Variants in RARA observed in about 807,000 individuals in gnomAD.
The protein encoded by RARA is retinoic acid receptor alpha.
A neutral mutation model predicts 42.8 loss-of-function variants in RARA; 5 were observed. That is an observed-to-expected ratio of 0.12 (90% CI 0.06 to 0.25). The LOEUF is 0.25. Among genes scored for constraint, RARA ranks in the 10% least tolerant of loss-of-function variants. The pLI, the probability that RARA is intolerant of heterozygous loss-of-function variation, is 1.00. For missense variants in RARA, 402 were observed against 628.7 expected, an observed-to-expected ratio of 0.64 and a Z score of 3.86; for synonymous variants, 256 against 259.5, an observed-to-expected ratio of 0.99 and a Z score of 0.13.
rs2034463034 is a variant in RARA, at chr17:40,351,848, G to A, written c.470-62G>A. 2.6e-6 allele frequency: 4 copies of A among 1,566,440 alleles called. No homozygotes were observed. The highest frequency in any genetic ancestry group is 2.1e-5 in the Admixed American group (1 of 46,692). On this transcript the variant is annotated intron_variant, in intron 4 of 8. Transcript: ENST00000254066. This position sits in a 1 kb window ranked among gnomAD's most constrained non-coding sequence, Gnocchi z 4.1. ...GCAGCTGGCAGCTCTCTGTCAGGCT[G>A]GGGGTGGACGAGGCCCTGAGCAGCC...
intron 1 of RARA, among the ~76,000 whole-genome samples, chr17:40,315,418 A>G (rs796545612): frequency 2.5e-4 from 38 of 152,032 alleles, no homozygotes; most frequent in African/African-American, 8.9e-4. Context: ...TTTGAGCCTC[A>G]GTTTTTTCAT....
At position 40,348,311 on chromosome 17, in the gene RARA, T is replaced by G; in HGVS notation, c.179-5T>G. ...CTAACTGCCCCTCCCCTCTTCTCTC[T>G]CTAGCCATTGAGACCCAGAGCAGCA... On this transcript the variant is annotated splice_polypyrimidine_tract_variant and splice_region_variant and intron_variant, in intron 2 of 8. Transcript: ENST00000254066. 1 of 1,584,712 alleles carries G rather than the reference T, an allele frequency of 6.3e-7. No homozygotes were observed. The highest frequency in any genetic ancestry group is 8.6e-7 in the Non-Finnish European group (1 of 1,165,118).
At chr17:40,336,358 G>A (rs191732547) in intron 2 of RARA, among the ~76,000 whole-genome samples, 3 of 152,074 alleles carry the variant, frequency 2.0e-5, no homozygotes, top group Admixed American at 2.0e-4. Flanking sequence ...TTACAGGTGT[G>A]AGCCACTGCA....
chr17:40,342,408 T>G, intron 2 of RARA: 1 of 1,142,418 alleles, frequency 8.8e-7, no homozygotes. Context: ...TAGACGGGAG[T>G]CCCCTCGAGG....
intron 2 of RARA, 126 bp from the exon 3 acceptor site, chr17:40,348,190 C>G: frequency 7.9e-7 from 1 of 1,260,738 alleles, no homozygotes; most frequent in Non-Finnish European, 1.1e-6. Flanking sequence ...TTTCTTAAGA[C>G]TTGAATCCTG....
At position 40,311,973 on chromosome 17, in the gene RARA, C is replaced by T. The variant is rs530820159; in HGVS notation, c.-363+2687C>T. Among the ~76,000 whole-genome samples, 4 of 152,352 alleles carry T rather than the reference C, an allele frequency of 2.6e-5. No individual in the cohort carries two copies. The South Asian group carries it at 8.3e-4, about 32-fold the overall frequency. On this transcript the variant is annotated intron_variant, in intron 1 of 8. Transcript: ENST00000254066. ...TACAGAAGCCTACATCTCCTGCTCT[C>T]ATTTTTTAGTTTTTTTCCCCATGAT...
At chr17:40,348,253 G>A (rs969122973) in intron 2 of RARA, 63 bp from the exon 3 acceptor site, 51 of 1,477,184 alleles carry the variant, frequency 3.5e-5, no homozygotes, top group Non-Finnish European at 4.3e-5. Context: ...GAGGCAGGGT[G>A]GAGCTTGGTA....
In RARA at chr17:40,356,151, C is replaced by G; in HGVS notation, c.1314C>G (p.Ala438=). The part of the protein sequence containing the change: ...GGGGRDGGGL[A]PPPGSCSPSL... Reference sequence around the variant, plus strand: ...GGGGGCGGGACGGGGGTGGCCTGGCCCCCCCGCCAGGCAGCTGTAGCCCCA... The same window carrying G: ...GGGGGCGGGACGGGGGTGGCCTGGCGCCCCCGCCAGGCAGCTGTAGCCCCA... The change falls in exon 9 of 9, where the codon GCC becomes GCG. Residue 438 remains alanine, a synonymous_variant. Coordinates refer to ENST00000254066, the MANE Select transcript of RARA (RefSeq NM_000964.4). 6.4e-7 allele frequency: 1 copy of G among 1,554,156 alleles called. No homozygotes were observed. Among genetic ancestry groups the G allele is most frequent in the Non-Finnish European group, 8.7e-7 (1 of 1,148,938 alleles).
In RARA at chr17:40,326,662, CT is replaced by C. The variant is rs1257422097; in HGVS notation, c.-362-4194del. The C allele has an allele frequency of 6.6e-6, 1 of 152,572 alleles. No homozygotes were observed. Among genetic ancestry groups the C allele is most frequent in the Non-Finnish European group, 1.5e-5 (1 of 68,250 alleles). The allele number at this position is 152,572 out of a possible 1,614,324, so 9.5% of individuals were successfully genotyped here. On this transcript the variant is annotated intron_variant, in intron 1 of 8. Transcript: ENST00000254066. The surrounding 1 kb of genome is among the most constrained non-coding windows in gnomAD (Gnocchi z 5.2). ...GGCTCCATATATTGGAGGTGTGGGC[CT>C]GTGGTTTTCTCTCTCTCAGGGGAGG...
chr17:40,354,534 TG>T lies in RARA; in HGVS notation c.1012+31del. The T allele has an allele frequency of 1.2e-6, 1 of 839,640 alleles. No homozygotes were observed. Among genetic ancestry groups the T allele is most frequent in the Non-Finnish European group, 1.9e-6 (1 of 529,646 alleles). 52.0% of individuals were successfully genotyped at this position (839,640 alleles called of 1,614,324 possible). ...GGGCAGGGGGCCTGGGTCTGGGGGC[TG>T]GGCTGGGACGGGGGTGCAGCCCTGG... On this transcript the variant is annotated intron_variant, in intron 7 of 8. Coordinates refer to ENST00000254066, the MANE Select transcript of RARA (RefSeq NM_000964.4). This position sits in a 1 kb window ranked among gnomAD's most constrained non-coding sequence, Gnocchi z 4.5.
intron 2 of RARA, chr17:40,342,940 G>T: frequency 6.5e-7 from 1 of 1,538,208 alleles, no homozygotes; most frequent in South Asian, 1.2e-5. Context: ...ACTACTCGGG[G>T]GTGAGAGTCC....
At chr17:40,321,963 C>A (rs762814360) in intron 1 of RARA, among the ~76,000 whole-genome samples, 70 of 152,180 alleles carry the variant, frequency 4.6e-4, no homozygotes, top group Non-Finnish European at 8.2e-4. Flanking sequence ...GGCTGCAGAG[C>A]TGGGCTGCCC....
At position 40,321,133 on chromosome 17, in the gene RARA, G is replaced by T. The variant is rs547975803; in HGVS notation, c.-362-9724G>T. Among the ~76,000 whole-genome samples the T allele has an allele frequency of 4.9e-4, 74 of 152,006 alleles. 2 individuals are homozygous for T. Among genetic ancestry groups the T allele is most frequent in the Non-Finnish European group, 3.2e-4 (22 of 67,926 alleles). On this transcript the variant is annotated intron_variant, in intron 1 of 8. Transcript: ENST00000254066. ...TGGGGGGCAGGGCCTGGATCTCCGTGTGTGTCCAGGGAGTATTCTGGGAAT... is the reference window on the plus strand; with the variant it reads ...TGGGGGGCAGGGCCTGGATCTCCGTTTGTGTCCAGGGAGTATTCTGGGAAT...
intron 1 of RARA, among the ~76,000 whole-genome samples, chr17:40,311,273 G>A (rs997723451): frequency 6.6e-6 from 1 of 152,016 alleles, no homozygotes; most frequent in Non-Finnish European, 1.5e-5. Flanking sequence ...GCACTGCCCC[G>A]GCCTCCCAAG....
chr17:40,357,460 C>T lies in RARA; in HGVS notation c.*1234C>T, dbSNP rs1251217457. The T allele has an allele frequency of 3.0e-5, 7 of 232,384 alleles. No individual in the cohort carries two copies. Among genetic ancestry groups the T allele is most frequent in the East Asian group, 6.0e-5 (1 of 16,530 alleles). 14.4% of individuals were successfully genotyped at this position (232,384 alleles called of 1,614,324 possible). On this transcript the variant is annotated 3_prime_UTR_variant, in exon 9 of 9. Transcript: ENST00000254066. Reference sequence around the variant, plus strand: ...CCACCCCCGTGCCCCCTCCTTACCCCGCAGGACGGGCCTACAGGGGGGTCT... The same window carrying T: ...CCACCCCCGTGCCCCCTCCTTACCCTGCAGGACGGGCCTACAGGGGGGTCT...
At position 40,340,880 on chromosome 17, in the gene RARA, T is replaced by C. The variant is rs985439234; in HGVS notation, c.179-7436T>C. 14 of 400,128 alleles carry C rather than the reference T, an allele frequency of 3.5e-5. No homozygotes were observed. In the Admixed American group the frequency reaches 4.8e-4, roughly 14 times the overall value. 24.8% of individuals were successfully genotyped at this position (400,128 alleles called of 1,614,324 possible). A position where few individuals can be genotyped will look rare whatever the true frequency, so the allele number is the denominator to read the frequency against. On this transcript the variant is annotated intron_variant, in intron 2 of 8. Coordinates refer to ENST00000254066, the MANE Select transcript of RARA (RefSeq NM_000964.4). Reference sequence around the variant, plus strand: ...GGCAGCAGGAAGTTCAAATACCTGCTCTACTCTTTATTATTAGTAATGTGA... The same window carrying C: ...GGCAGCAGGAAGTTCAAATACCTGCCCTACTCTTTATTATTAGTAATGTGA...
intron 1 of RARA, among the ~76,000 whole-genome samples, chr17:40,321,116 A>G (rs1287079751): frequency 6.6e-6 from 1 of 151,292 alleles, no homozygotes; most frequent in Non-Finnish European, 1.5e-5. Flanking sequence ...GGTGGGGGGC[A>G]GGGCCTGGAT....
rs1253446171 is a variant in RARA, at chr17:40,355,683, T to TTTCCC, written c.1171+267_1171+271dup. 1.3e-5 allele frequency among the ~76,000 whole-genome samples: 2 copies of TTTCCC among 152,318 alleles called. No homozygotes were observed. Among genetic ancestry groups the TTTCCC allele is most frequent in the African/African-American group, 4.8e-5 (2 of 41,574 alleles). Reference sequence around the variant, plus strand: ...GTCACTCAACAGCTCCTAGCTACAGTTTCCCTTCCGAGGGCGGGGATAACA... The same window carrying TTTCCC: ...GTCACTCAACAGCTCCTAGCTACAGTTTCCCTTCCCTTCCGAGGGCGGGGATAACA... On this transcript the variant is annotated intron_variant, in intron 8 of 8. Transcript: ENST00000254066. The surrounding 1 kb of genome is among the most constrained non-coding windows in gnomAD (Gnocchi z 4.1).
chr17:40,351,018 C>G lies in RARA; in HGVS notation c.470-892C>G, dbSNP rs1020522437. Among the ~76,000 whole-genome samples the G allele has an allele frequency of 1.3e-5, 2 of 152,046 alleles. No individual in the cohort carries two copies. The highest frequency in any genetic ancestry group is 2.9e-5 in the Non-Finnish European group (2 of 67,988). ...CCACCGCCAACTCCCCCTCTCCCGG[C>G]TGCTCTGTGCCCCGGAGCTGAGCAG... is the stretch of plus-strand genomic sequence containing the variant. On this transcript the variant is annotated intron_variant, in intron 4 of 8. Transcript: ENST00000254066. This position sits in a 1 kb window ranked among gnomAD's most constrained non-coding sequence, Gnocchi z 4.1.
Sources: allele counts gnomAD v4.1 joint callset (sites outside exome capture counted in the v4.1 genomes callset), GRCh38; gene constraint gnomAD v4.1.1; non-coding constraint Gnocchi (gnomAD v3.1); transcripts MANE v1.5; gene names NCBI Gene and HGNC (gene_info 2026-07-23, HGNC 2026-07-21).